The following PRKCA variants were observed in gnomAD, a reference collection of about 807,000 sequenced individuals.
The protein encoded by PRKCA is protein kinase C alpha type.
PRKCA carries 27 observed loss-of-function variants against 87.0 expected under a neutral mutation model. The observed-to-expected ratio is 0.31, with a 90% CI of 0.23 to 0.43. PRKCA has a LOEUF of 0.43. PRKCA is among the 20% of genes least tolerant of loss of function. PRKCA has a pLI of 1.00. For synonymous variants in PRKCA, 329 were observed against 311.1 expected (o/e 1.06, Z -0.61); for missense variants, 518 against 852.3 (o/e 0.61, Z 4.88).
rs144462319 is a variant in PRKCA at position 66,695,107 on chromosome 17, C to T, written c.918+6060C>T. On this transcript the variant is annotated intron_variant, in intron 8 of 16. Coordinates refer to ENST00000413366, the MANE Select transcript of PRKCA (RefSeq NM_002737.3). ...GAGTTACATTCCTTCCTTTCCTCAG[C>T]GCCCCTTCCTCTTGTGCAGAGCCTT... Among the ~76,000 whole-genome samples the T allele has an allele frequency of 6.6e-5, 10 of 152,276 alleles. No individual in the cohort carries two copies. In the East Asian group the frequency reaches 1.4e-3, roughly 21 times the overall value.
chr17:66,451,691 A>G (rs1229980848), intron 2 of PRKCA, among the ~76,000 whole-genome samples: 1 of 152,102 alleles, frequency 6.6e-6, no homozygotes, highest in African/African-American at 2.4e-5. Flanking sequence ...GGTGGAGCAG[A>G]GGGAGTGGGG....
chr17:66,342,668 A>G (rs1021300434), intron 2 of PRKCA, among the ~76,000 whole-genome samples: 1 of 152,062 alleles, frequency 6.6e-6, no homozygotes, highest in Non-Finnish European at 1.5e-5. Flanking sequence ...GAAAAGTAAG[A>G]GAAGGTATAA....
At chr17:66,483,219 A>T (rs971040594) in intron 2 of PRKCA, among the ~76,000 whole-genome samples, 16 of 152,150 alleles carry the variant, frequency 1.1e-4, no homozygotes, top group Non-Finnish European at 2.2e-4. Context: ...CGGGCAGCTT[A>T]AACAACGAAA....
chr17:66,660,834 G>A (rs1024612171), intron 5 of PRKCA, among the ~76,000 whole-genome samples: 11 of 152,124 alleles, frequency 7.2e-5, no homozygotes, highest in African/African-American at 1.2e-4. Flanking sequence ...GCATGAACCC[G>A]GGAGGCAGAA....
chr17:66,634,295 T>G (rs1217874891), intron 3 of PRKCA, among the ~76,000 whole-genome samples: 1 of 152,240 alleles, frequency 6.6e-6, no homozygotes, highest in Non-Finnish European at 1.5e-5. Flanking sequence ...CTTCATTTTT[T>G]TCTCCCAACC....
chr17:66,359,904 TCTGA>T (rs1908288236), intron 2 of PRKCA, among the ~76,000 whole-genome samples: 1 of 152,228 alleles, frequency 6.6e-6, no homozygotes. Flanking sequence ...TCTTGTTGCC[TCTGA>T]CTATTTAACC....
chr17:66,524,538 A>G (rs1285949118), intron 3 of PRKCA, among the ~76,000 whole-genome samples: 1 of 152,168 alleles, frequency 6.6e-6, no homozygotes, highest in Non-Finnish European at 1.5e-5. Context: ...AGATGTGAGA[A>G]TCCAGTTCTC....
intron 2 of PRKCA, among the ~76,000 whole-genome samples, chr17:66,457,863 A>G (rs890696105): frequency 2.6e-5 from 4 of 152,170 alleles, no homozygotes; most frequent in Non-Finnish European, 5.9e-5. Context: ...TTTTAGCAGC[A>G]TGAGAACGGA....
intron 3 of PRKCA, among the ~76,000 whole-genome samples, chr17:66,550,947 A>C (rs909794544): frequency 6.6e-6 from 1 of 152,220 alleles, no homozygotes; most frequent in African/African-American, 2.4e-5. Context: ...TTTCTTTTAA[A>C]GCCTATATAA....
intron 2 of PRKCA, among the ~76,000 whole-genome samples, chr17:66,358,981 G>T (rs1908229145): frequency 6.6e-6 from 1 of 151,892 alleles, no homozygotes; most frequent in Admixed American, 6.6e-5. Context: ...ATGAAATCAG[G>T]TTAAAATTTG....
chr17:66,460,870 C>G (rs1236952632), intron 2 of PRKCA, among the ~76,000 whole-genome samples: 1 of 152,170 alleles, frequency 6.6e-6, no homozygotes, highest in African/African-American at 2.4e-5. Flanking sequence ...TGTGGAGCCA[C>G]CTTCTCTGAG....
At chr17:66,657,981 A>G (rs903123664) in intron 5 of PRKCA, among the ~76,000 whole-genome samples, 2 of 152,228 alleles carry the variant, frequency 1.3e-5, no homozygotes, top group South Asian at 2.1e-4. Context: ...GCATTAGTCT[A>G]TTCTCATTCT....
intron 3 of PRKCA, among the ~76,000 whole-genome samples, chr17:66,616,764 C>A (rs980388030): frequency 6.6e-6 from 1 of 152,090 alleles, no homozygotes; most frequent in African/African-American, 2.4e-5. Flanking sequence ...AGCCTTTGTT[C>A]CAGAGGAATC....
intron 2 of PRKCA, among the ~76,000 whole-genome samples, chr17:66,343,680 G>A (rs970159186): frequency 6.6e-6 from 1 of 152,070 alleles, no homozygotes; most frequent in Non-Finnish European, 1.5e-5. Context: ...CTTGAAAAAT[G>A]GACTAGACTT....
chr17:66,417,487 T>C (rs11870645), intron 2 of PRKCA, among the ~76,000 whole-genome samples: 20 of 152,058 alleles, frequency 1.3e-4, no homozygotes, highest in African/African-American at 1.9e-4. Flanking sequence ...CAAGGATGGC[T>C]TCAGGCCATT....
chr17:66,698,819 C>CAAAAAAAAAAAA (rs59309576), intron 8 of PRKCA, among the ~76,000 whole-genome samples: 4 of 102,762 alleles, frequency 3.9e-5, no homozygotes, highest in Admixed American at 1.0e-4. Context: ...ACTAAAAATA[C>CAAAAAAAAAAAA]AAAAAAAAAA....
intron 2 of PRKCA, among the ~76,000 whole-genome samples, chr17:66,314,879 G>A (rs568831166): frequency 0.02 from 2,285 of 116,764 alleles, 50 homozygotes; most frequent in African/African-American, 0.075. Flanking sequence ...ATATATATGT[G>A]TGTGTGTGTG....
intron 14 of PRKCA, chr17:66,778,385 G>C (rs554561692): frequency 3.7e-6 from 1 of 272,376 alleles, no homozygotes; most frequent in East Asian, 1.8e-4. Flanking sequence ...GTGTGGTGGC[G>C]GGCGCCTGTA....
At chr17:66,635,490 G>A (rs949847369) in intron 3 of PRKCA, among the ~76,000 whole-genome samples, 4 of 152,144 alleles carry the variant, frequency 2.6e-5, no homozygotes, top group African/African-American at 9.7e-5. Context: ...TTGAAAAACG[G>A]GTCAGAAAGG....
Sources: allele counts gnomAD v4.1 joint callset (sites outside exome capture counted in the v4.1 genomes callset), GRCh38; gene constraint gnomAD v4.1.1; transcripts MANE v1.5; gene names NCBI Gene and HGNC (gene_info 2026-07-23, HGNC 2026-07-21).